The following WWOX variants were observed in gnomAD, a reference collection of about 807,000 sequenced individuals.
WWOX encodes WW domain-containing oxidoreductase.
In WWOX, 69 loss-of-function variants were observed where a neutral mutation model predicts 46.2. The observed-to-expected ratio is 1.49, with a 90% CI of 1.23 to 1.82. WWOX has a LOEUF of 1.82. Ranked by LOEUF, WWOX falls within the 40% of genes most tolerant of loss-of-function variation. The pLI, the probability that WWOX is intolerant of heterozygous loss-of-function variation, is 0.00. For synonymous variants in WWOX, 359 were observed against 202.6 expected (o/e 1.77, Z -6.56); for missense variants, 919 against 542.6 (o/e 1.69, Z -6.89).
At chr16:78,366,944 T>G (rs796076617) in intron 5 of WWOX, among the ~76,000 whole-genome samples, 7,887 of 149,444 alleles carry the variant, frequency 0.053, 277 homozygotes, top group East Asian at 0.12. Flanking sequence ...TAGCTGGGGT[T>G]TTTTTTTTGT....
intron 8 of WWOX, among the ~76,000 whole-genome samples, chr16:78,960,833 C>G (rs1312826451): frequency 2.0e-5 from 3 of 152,170 alleles, no homozygotes; most frequent in East Asian, 3.9e-4. Flanking sequence ...TTTACTGAAT[C>G]TCTGCCTCAG....
intron 8 of WWOX, among the ~76,000 whole-genome samples, chr16:79,035,911 A>G (rs115767852): frequency 0.012 from 1,834 of 152,324 alleles, 31 homozygotes; most frequent in African/African-American, 0.042. Flanking sequence ...TCAGCTTCTT[A>G]AAGGAGCTGC....
intron 5 of WWOX, among the ~76,000 whole-genome samples, chr16:78,242,208 C>G (rs115566445): frequency 6.6e-6 from 1 of 152,162 alleles, no homozygotes; most frequent in Non-Finnish European, 1.5e-5. Context: ...TAAACAGCCA[C>G]TTTGTAATAC....
chr16:78,794,071 T>C lies in WWOX; in HGVS notation c.1056+361319T>C, dbSNP rs192405916. Among the ~76,000 whole-genome samples the C allele has an allele frequency of 5.3e-5, 8 of 152,200 alleles. No individual in the cohort carries two copies. In the East Asian group the frequency reaches 1.5e-3, roughly 29 times the overall value. ...CAGAATGTCTGTGTCACCCCAGCAT[T>C]CATTTGTTAGGAGATGGGGTCTTTT... On this transcript the variant is annotated intron_variant, in intron 8 of 8. Coordinates refer to ENST00000566780, the MANE Select transcript of WWOX (RefSeq NM_016373.4).
At chr16:78,826,079 A>G (rs2151150715) in intron 8 of WWOX, 2 of 365,864 alleles carry the variant, frequency 5.5e-6, no homozygotes, top group East Asian at 9.7e-5. Context: ...ATATTGTACA[A>G]AGACAACCGG....
At chr16:78,814,383 CTA>C (rs1228471367) in intron 8 of WWOX, among the ~76,000 whole-genome samples, 1 of 151,684 alleles carries the variant, frequency 6.6e-6, no homozygotes, top group Non-Finnish European at 1.5e-5. Context: ...TCAAAAAATA[CTA>C]TATGTTAAAA....
At chr16:78,450,834 A>T (rs983329011) in intron 8 of WWOX, among the ~76,000 whole-genome samples, 3 of 152,216 alleles carry the variant, frequency 2.0e-5, no homozygotes, top group African/African-American at 7.2e-5. Context: ...GAAAGATCAT[A>T]AGAAGATGCT....
At chr16:79,026,452 C>A (rs1259321258) in intron 8 of WWOX, among the ~76,000 whole-genome samples, 1 of 151,650 alleles carries the variant, frequency 6.6e-6, no homozygotes, top group East Asian at 1.9e-4. Context: ...TGTCCCCTTC[C>A]TTCTCACATC....
At chr16:78,830,837 T>C (rs1271806792) in intron 8 of WWOX, among the ~76,000 whole-genome samples, 2 of 152,036 alleles carry the variant, frequency 1.3e-5, no homozygotes, top group Non-Finnish European at 2.9e-5. Flanking sequence ...TTTCTGTCGT[T>C]TGCAGAGTGT....
chr16:78,823,914 T>A (rs148590333), intron 8 of WWOX, among the ~76,000 whole-genome samples: 215 of 152,178 alleles, frequency 1.4e-3, no homozygotes, highest in African/African-American at 5.1e-3. Flanking sequence ...TAGCTAGGAC[T>A]ACAGGCGAGA....
chr16:78,414,434 T>G (rs2082752183), intron 6 of WWOX, among the ~76,000 whole-genome samples: 1 of 152,134 alleles, frequency 6.6e-6, no homozygotes, highest in Non-Finnish European at 1.5e-5. Flanking sequence ...CTGGGCATGG[T>G]GCTGTGCACC....
At chr16:78,643,137 C>A (rs1250246216) in intron 8 of WWOX, among the ~76,000 whole-genome samples, 2 of 152,136 alleles carry the variant, frequency 1.3e-5, no homozygotes, top group Non-Finnish European at 2.9e-5. Flanking sequence ...ATGCAGCTAT[C>A]CAGACCCAAG....
intron 8 of WWOX, among the ~76,000 whole-genome samples, chr16:78,782,289 C>A (rs575601042): frequency 3.3e-5 from 5 of 152,192 alleles, no homozygotes; most frequent in Admixed American, 6.5e-5. Context: ...TTCAGCTGCA[C>A]GAGCTTTTTC....
chr16:78,172,157 T>C (rs1163766147), intron 5 of WWOX, among the ~76,000 whole-genome samples: 1 of 152,146 alleles, frequency 6.6e-6, no homozygotes, highest in Non-Finnish European at 1.5e-5. Context: ...TACTCATACA[T>C]TATTTGCATT....
At chr16:78,273,893 G>A (rs1404112993) in intron 5 of WWOX, among the ~76,000 whole-genome samples, 1 of 152,190 alleles carries the variant, frequency 6.6e-6, no homozygotes, top group Non-Finnish European at 1.5e-5. Flanking sequence ...GGGCACCCAA[G>A]TGGAAGTCAT....
chr16:78,659,447 A>C (rs193186539), intron 8 of WWOX, among the ~76,000 whole-genome samples: 1 of 151,532 alleles, frequency 6.6e-6, no homozygotes, highest in Admixed American at 6.6e-5. Context: ...TGAACCAGAA[A>C]CTCTGGGAGT....
chr16:78,350,964 T>C lies in WWOX; in HGVS notation c.517-35896T>C, dbSNP rs562733208. On this transcript the variant is annotated intron_variant, in intron 5 of 8. Transcript: ENST00000566780. Reference sequence around the variant, plus strand: ...TCCATATCTTCACCAGCACTCGCTGTCATTTTTCTTTTTAGTCTTGTCATT... The same window carrying C: ...TCCATATCTTCACCAGCACTCGCTGCCATTTTTCTTTTTAGTCTTGTCATT... Among the ~76,000 whole-genome samples the C allele has an allele frequency of 1.3e-5, 2 of 150,934 alleles. 1 individual carries two copies. The highest frequency in any genetic ancestry group is 1.3e-4 in the Admixed American group (2 of 15,094).
At chr16:79,049,320 G>A (rs1387182921) in intron 8 of WWOX, among the ~76,000 whole-genome samples, 4 of 152,198 alleles carry the variant, frequency 2.6e-5, no homozygotes, top group South Asian at 2.1e-4. Flanking sequence ...CAAGCAGCAC[G>A]TGCCCGCTCT....
chr16:78,919,916 C>T lies in WWOX; in HGVS notation c.1057-291692C>T, dbSNP rs186885275. 4.7e-3 allele frequency among the ~76,000 whole-genome samples: 721 copies of T among 152,292 alleles called. 4 individuals are homozygous for T. The highest frequency in any genetic ancestry group is 0.017 in the African/African-American group (693 of 41,566). ...TTGATTATAGATATATTAATGACCA[C>T]TTCTGAGCTAAAAAATGATCTAGAA... On this transcript the variant is annotated intron_variant, in intron 8 of 8. Coordinates refer to ENST00000566780, the MANE Select transcript of WWOX (RefSeq NM_016373.4).
Sources: gnomAD v4.1 joint callset for allele counts (sites outside exome capture counted in the v4.1 genomes callset) on GRCh38, gnomAD v4.1.1 for gene constraint, MANE v1.5 for transcripts, NCBI Gene and HGNC (gene_info 2026-07-23, HGNC 2026-07-21) for gene names.